Variants in PLEKHA6 observed in about 807,000 individuals in gnomAD.
PLEKHA6 encodes pleckstrin homology domain-containing family A member 6.
In PLEKHA6, 60 loss-of-function variants were observed where a neutral mutation model predicts 116.7. That is an observed-to-expected ratio of 0.51 (90% confidence interval 0.42 to 0.64). The LOEUF (loss-of-function observed/expected upper bound fraction) is 0.64. Ranked by LOEUF, PLEKHA6 falls within the 30% of genes least tolerant of loss-of-function variation. PLEKHA6 has a pLI of 0.00. For synonymous variants in PLEKHA6, 489 were observed against 556.1 expected (o/e 0.88, Z 1.70); for missense variants, 1,338 against 1,422.7 (o/e 0.94, Z 0.96).
At chr1:204,306,092 A>G (rs1377401342) in intron 1 of PLEKHA6, among the ~76,000 whole-genome samples, 1 of 151,896 alleles carries the variant, frequency 6.6e-6, no homozygotes, top group Non-Finnish European at 1.5e-5. Context: ...CATCCACCCC[A>G]TATTCTTTCT....
Position 204,259,363 on chromosome 1 carries a change from G to A in PLEKHA6, c.902C>T (p.Pro301Leu), listed in dbSNP as rs1665799107. 6.2e-7 allele frequency: 1 copy of A among 1,614,238 alleles called. No homozygotes were observed. Among genetic ancestry groups the A allele is most frequent in the Non-Finnish European group, 8.5e-7 (1 of 1,180,044 alleles). The change falls in exon 8 of 23, where the codon CCA (proline) becomes CTA (leucine). Residue 301 changes from proline to leucine, a missense_variant. Physicochemically the swap from Pro to Leu is moderately conservative, Grantham distance 98. Coordinates refer to ENST00000272203, the MANE Select transcript of PLEKHA6 (RefSeq NM_014935.5). The surrounding 1 kb of genome is among the most constrained non-coding windows in gnomAD (Gnocchi z 4.6). ...GGCAATTTTGTCAGGGTTGGTGCGT[G>A]GTGGGAAACTCCGCCGGTGTCCCCC... ...ETGGHRRSFPPRTNPDKIAQR... is the reference protein window; with the variant it reads ...ETGGHRRSFPLRTNPDKIAQR...
At chr1:204,308,453 T>G (rs1442675327) in intron 1 of PLEKHA6, among the ~76,000 whole-genome samples, 1 of 152,032 alleles carries the variant, frequency 6.6e-6, no homozygotes, top group Admixed American at 6.6e-5. Flanking sequence ...GAACCATGCT[T>G]TAATACAACT....
Position 204,220,051 on chromosome 1 carries a change from G to A in PLEKHA6, c.*2737C>T, listed in dbSNP as rs1659488250. 6.6e-6 allele frequency: 1 copy of A among 152,250 alleles called. No homozygotes were observed. The highest frequency in any genetic ancestry group is 1.5e-5 in the Non-Finnish European group (1 of 68,062). 9.4% of individuals were successfully genotyped at this position (152,250 alleles called of 1,614,324 possible). Reference sequence around the variant, plus strand: ...TGACAAGTCCAAGGAACTTGTATGTGTCTGTGCTACAGGGCCAGGGATGGC... The same window carrying A: ...TGACAAGTCCAAGGAACTTGTATGTATCTGTGCTACAGGGCCAGGGATGGC... On this transcript the variant is annotated 3_prime_UTR_variant, in exon 23 of 23. Coordinates refer to ENST00000272203, the MANE Select transcript of PLEKHA6 (RefSeq NM_014935.5).
At chr1:204,240,391 T>A (rs4951051) in intron 17 of PLEKHA6, among the ~76,000 whole-genome samples, 78,766 of 152,202 alleles carry the variant, frequency 0.52, 21,045 homozygotes, top group African/African-American at 0.66. Flanking sequence ...CATCAATATC[T>A]GCTATGACCA....
chr1:204,370,814 G>A (rs1417908999), intron 2 of PLEKHA6, among the ~76,000 whole-genome samples: 2 of 152,138 alleles, frequency 1.3e-5, no homozygotes, highest in African/African-American at 4.8e-5. Flanking sequence ...AGCACTTTGG[G>A]AAGTCGAGGT....
chr1:204,294,204 T>G (rs560970458), intron 1 of PLEKHA6, among the ~76,000 whole-genome samples: 1 of 152,150 alleles, frequency 6.6e-6, no homozygotes, highest in South Asian at 2.1e-4. Flanking sequence ...ACGGAGGAAG[T>G]GGTGATGGCA....
intron 1 of PLEKHA6, chr1:204,320,397 C>T: frequency 3.3e-5 from 21 of 641,398 alleles, no homozygotes; most frequent in Non-Finnish European, 3.9e-5. Context: ...CCATGCCCTC[C>T]ATCTGGATTC....
At chr1:204,366,908 G>A (rs562133705) in intron 3 of PLEKHA6, among the ~76,000 whole-genome samples, 9 of 152,326 alleles carry the variant, frequency 5.9e-5, no homozygotes, top group South Asian at 2.1e-4. Context: ...AGAGAGGGAC[G>A]GAAAGGGGAT....
At chr1:204,252,218 C>T (rs1038561415) in intron 9 of PLEKHA6, among the ~76,000 whole-genome samples, 1 of 149,920 alleles carries the variant, frequency 6.7e-6, no homozygotes, top group South Asian at 2.2e-4. Context: ...CCAAAACAAG[C>T]AAGCCACATT....
At chr1:204,375,348 A>G (rs940295830) in intron 1 of PLEKHA6, among the ~76,000 whole-genome samples, 8 of 150,792 alleles carry the variant, frequency 5.3e-5, no homozygotes, top group Non-Finnish European at 1.2e-4. Flanking sequence ...CCTAATATGC[A>G]CTCCCCTTGC....
At chr1:204,256,907 G>A (rs1010290781) in intron 9 of PLEKHA6, 13 of 625,580 alleles carry the variant, frequency 2.1e-5, no homozygotes, top group African/African-American at 1.8e-4. Context: ...GAAAGGGATC[G>A]CAGAGGTGAG....
intron 1 of PLEKHA6, chr1:204,282,700 T>C (rs1668753779): frequency 3.0e-6 from 3 of 985,284 alleles, no homozygotes; most frequent in African/African-American, 1.7e-5. Context: ...GAAGCTGCCA[T>C]GGGCAGGCTG....
In PLEKHA6 at chr1:204,286,343, CCT is replaced by C. The variant is rs531603946; in HGVS notation, c.-94-11536_-94-11535del. 3.9e-4 allele frequency among the ~76,000 whole-genome samples: 60 copies of C among 152,200 alleles called. 1 individual carries two copies. The East Asian group carries it at 9.9e-3, about 25-fold the overall frequency. ...GACAAGGGACACTGCTGTTCCCACCCCTGTCCTGCCACGCAGCAGCCGTGAAG... is the reference window on the plus strand; with the variant it reads ...GACAAGGGACACTGCTGTTCCCACCCGTCCTGCCACGCAGCAGCCGTGAAG... On this transcript the variant is annotated intron_variant, in intron 1 of 22. Coordinates refer to ENST00000272203, the MANE Select transcript of PLEKHA6 (RefSeq NM_014935.5).
chr1:204,336,563 C>CGTGTGTGTGT (rs10538125), intron 1 of PLEKHA6, among the ~76,000 whole-genome samples: 3 of 148,924 alleles, frequency 2.0e-5, no homozygotes, highest in African/African-American at 7.4e-5. Flanking sequence ...GGTGTGTGAG[C>CGTGTGTGTGT]GTGTGTGTGT....
intron 1 of PLEKHA6, among the ~76,000 whole-genome samples, chr1:204,300,913 G>A (rs1179899737): frequency 6.6e-6 from 1 of 152,196 alleles, no homozygotes; most frequent in African/African-American, 2.4e-5. Context: ...ACAAATGTCT[G>A]AACTGAAAGT....
chr1:204,267,630 G>T, intron 4 of PLEKHA6, 83 bp from the exon 5 acceptor site: 3 of 1,184,238 alleles, frequency 2.5e-6, no homozygotes, highest in Non-Finnish European at 3.8e-6. Flanking sequence ...AGGGCACAGT[G>T]CCAATTATAA....
At chr1:204,375,098 C>T (rs1436106247) in intron 1 of PLEKHA6, among the ~76,000 whole-genome samples, 1 of 152,104 alleles carries the variant, frequency 6.6e-6, no homozygotes, top group African/African-American at 2.4e-5. Context: ...CTCGGTCTTA[C>T]TCTCCAGCCT....
chr1:204,372,115 A>T (rs138214452), intron 1 of PLEKHA6, among the ~76,000 whole-genome samples: 326 of 152,332 alleles, frequency 2.1e-3, no homozygotes, highest in Middle Eastern at 0.017. Flanking sequence ...CTTATGTGTC[A>T]ACAATGCTAC....
chr1:204,326,434 A>G (rs1261118073), intron 1 of PLEKHA6, among the ~76,000 whole-genome samples: 1 of 152,232 alleles, frequency 6.6e-6, no homozygotes, highest in Admixed American at 6.5e-5. Context: ...GGGCCATGAG[A>G]GCACAGATAG....
Sources: gnomAD v4.1 joint callset for allele counts (sites outside exome capture counted in the v4.1 genomes callset) on GRCh38, gnomAD v4.1.1 for gene constraint, Gnocchi (gnomAD v3.1) non-coding constraint, MANE v1.5 for transcripts, NCBI Gene and HGNC (gene_info 2026-07-23, HGNC 2026-07-21) for gene names.